ADGRG6: variants seen among roughly 807,000 people sequenced by gnomAD.
The protein encoded by ADGRG6 is G-protein coupled receptor 126.
ADGRG6 carries 84 observed loss-of-function variants against 142.4 expected under a neutral mutation model. The ratio of observed to expected loss-of-function variants is 0.59; its 90% CI spans 0.49 to 0.71. The LOEUF (loss-of-function observed/expected upper bound fraction) is 0.71, where lower values mean the gene tolerates loss of function less well. ADGRG6 is among the 30% of genes least tolerant of loss of function. The pLI is 0.00. For synonymous variants in ADGRG6, 521 were observed against 520.5 expected (o/e 1.00, Z -0.01); for missense variants, 1,367 against 1,466.6 (o/e 0.93, Z 1.11).
chr6:142,427,955 T>C (rs1405172151), intron 22 of ADGRG6, among the ~76,000 whole-genome samples: 2 of 152,126 alleles, frequency 1.3e-5, no homozygotes, highest in Admixed American at 1.3e-4. Context: ...ATTGTGGGAG[T>C]TACAATTCAA....
intron 2 of ADGRG6, among the ~76,000 whole-genome samples, chr6:142,366,567 T>C (rs772168926): frequency 6.6e-6 from 1 of 152,150 alleles, no homozygotes; most frequent in African/African-American, 2.4e-5. Flanking sequence ...TACTTGTGGT[T>C]ACCTTTAGGT....
intron 2 of ADGRG6, among the ~76,000 whole-genome samples, chr6:142,361,191 G>A (rs9484629): frequency 0.014 from 2,109 of 152,314 alleles, 60 homozygotes; most frequent in African/African-American, 0.048. Context: ...GACAGCAAGA[G>A]GTGTGAGAGG....
At chr6:142,359,597 G>C (rs1780620315) in intron 2 of ADGRG6, among the ~76,000 whole-genome samples, 1 of 152,090 alleles carries the variant, frequency 6.6e-6, no homozygotes, top group African/African-American at 2.4e-5. Context: ...TCTAAACCCA[G>C]GCTATAGTAT....
Position 142,420,130 on chromosome 6 carries a change from C to G in ADGRG6, c.3319+26C>G, listed in dbSNP as rs751049590. ...GTAAGATAAATTGTACATGAATAGT[C>G]TCTGCTTTCTAATTTTGTCATATTT... On this transcript the variant is annotated intron_variant, in intron 22 of 24. Transcript: ENST00000367609. 5 of 1,560,582 alleles carry G rather than the reference C, an allele frequency of 3.2e-6. No individual in the cohort carries two copies. The East Asian group carries it at 9.0e-5, about 28-fold the overall frequency.
intron 1 of ADGRG6, among the ~76,000 whole-genome samples, chr6:142,305,651 A>C (rs1364013488): frequency 1.3e-5 from 2 of 152,214 alleles, no homozygotes; most frequent in Non-Finnish European, 2.9e-5. Flanking sequence ...GTACAATATT[A>C]AAACAAGTAT....
chr6:142,439,626 A>G (rs893412526), intron 24 of ADGRG6, among the ~76,000 whole-genome samples: 1 of 152,242 alleles, frequency 6.6e-6, no homozygotes, highest in Non-Finnish European at 1.5e-5. Flanking sequence ...TTCCAAAATT[A>G]ATTAAAAATC....
At chr6:142,319,923 C>T (rs1477773258) in intron 2 of ADGRG6, among the ~76,000 whole-genome samples, 2 of 152,110 alleles carry the variant, frequency 1.3e-5, no homozygotes, top group East Asian at 3.8e-4. Context: ...CTGTAAGTAA[C>T]AACTTACGTT....
chr6:142,369,126 CA>C, intron 3 of ADGRG6, among the ~76,000 whole-genome samples: 1 of 152,164 alleles, frequency 6.6e-6, no homozygotes, highest in South Asian at 2.1e-4. Flanking sequence ...AAAATATATT[CA>C]AACTGTTTTT....
intron 1 of ADGRG6, among the ~76,000 whole-genome samples, chr6:142,303,161 C>A (rs745493538): frequency 2.0e-5 from 3 of 152,176 alleles, no homozygotes; most frequent in African/African-American, 7.2e-5. Context: ...AATTTTCCTT[C>A]TGATGTTTTA....
At position 142,370,338 on chromosome 6, in the gene ADGRG6, C is replaced by T; in HGVS notation, c.614C>T (p.Ser205Leu). 1 of 1,613,636 alleles carries T rather than the reference C, an allele frequency of 6.2e-7. No individual in the cohort carries two copies. The highest frequency in any genetic ancestry group is 1.3e-5 in the African/African-American group (1 of 75,048). Residue 205 changes from serine to leucine, a missense_variant, in exon 4 of 25, where the codon TCA becomes TTA. Transcript: ENST00000367609. Reference sequence around the variant, plus strand: ...AGTGATTGGACAGCTTTCTCCTACTCAAATGCATCCTTCACACAATTGCTC... The same window carrying T: ...AGTGATTGGACAGCTTTCTCCTACTTAAATGCATCCTTCACACAATTGCTC... ...EDSDWTAFSYSNASFTQLLSF... is the reference protein window; with the variant it reads ...EDSDWTAFSYLNASFTQLLSF...
intron 2 of ADGRG6, among the ~76,000 whole-genome samples, chr6:142,347,291 A>G (rs1210587440): frequency 1.3e-5 from 2 of 152,180 alleles, no homozygotes; most frequent in Non-Finnish European, 2.9e-5. Flanking sequence ...GTCAGTATCC[A>G]TTCTGATTGA....
chr6:142,427,312 A>T (rs1470154939), intron 22 of ADGRG6, among the ~76,000 whole-genome samples: 2 of 152,164 alleles, frequency 1.3e-5, no homozygotes, highest in Non-Finnish European at 2.9e-5. Context: ...TCAAGTTCAA[A>T]GTTCCGCAAA....
chr6:142,357,592 G>A (rs576083708), intron 2 of ADGRG6, among the ~76,000 whole-genome samples: 2 of 152,216 alleles, frequency 1.3e-5, no homozygotes, highest in East Asian at 3.9e-4. Context: ...GCACAAACCT[G>A]AATGAGTTTT....
chr6:142,394,341 T>A (rs1251578458), intron 9 of ADGRG6, among the ~76,000 whole-genome samples: 1 of 152,182 alleles, frequency 6.6e-6, no homozygotes. Flanking sequence ...GATGCCTAAA[T>A]GTTTTCAGCA....
intron 20 of ADGRG6, 57 bp from the exon 21 acceptor site, chr6:142,417,215 CT>C (rs1270370498): frequency 1.2e-6 from 1 of 859,244 alleles, no homozygotes; most frequent in East Asian, 2.5e-5. Flanking sequence ...CATTAGCAGT[CT>C]TATGAAGCAG....
intron 17 of ADGRG6, among the ~76,000 whole-genome samples, chr6:142,410,313 G>A (rs1216399171): frequency 1.3e-5 from 2 of 152,074 alleles, no homozygotes; most frequent in African/African-American, 4.8e-5. Context: ...TTAAAATCCA[G>A]CTTCCAGACC....
chr6:142,411,532 A>G, intron 18 of ADGRG6, 121 bp downstream of exon 18: 2 of 634,002 alleles, frequency 3.2e-6, no homozygotes, highest in Non-Finnish European at 5.9e-6. Flanking sequence ...TTTCATCTGT[A>G]CCGTGAATCT....
chr6:142,443,530 A>C lies in ADGRG6; in HGVS notation c.*15A>C, dbSNP rs1283639570. On this transcript the variant is annotated 3_prime_UTR_variant, in exon 25 of 25. Transcript: ENST00000367609. ...CAAAGTTTTAATGTCTTTAAGAAAA[A>C]GAAATCAATCTGCAGAAATGTGAAG... 6.3e-7 allele frequency: 1 copy of C among 1,578,326 alleles called. No homozygotes were observed. Among genetic ancestry groups the C allele is most frequent in the East Asian group, 2.2e-5 (1 of 44,516 alleles).
chr6:142,390,498 T>C (rs1774836908), intron 7 of ADGRG6, among the ~76,000 whole-genome samples, 155 bp downstream of exon 7: 1 of 151,876 alleles, frequency 6.6e-6, no homozygotes, highest in African/African-American at 2.4e-5. Flanking sequence ...GTTGTCCTTA[T>C]GCATAGGAAG....
Sources: gnomAD v4.1 joint callset for allele counts (sites outside exome capture counted in the v4.1 genomes callset) on GRCh38, gnomAD v4.1.1 for gene constraint, MANE v1.5 for transcripts, NCBI Gene and HGNC (gene_info 2026-07-23, HGNC 2026-07-21) for gene names.